The following CRAT variants were observed in gnomAD, a reference collection of about 807,000 sequenced individuals.
The protein encoded by CRAT is carnitine acetylase.
CRAT carries 66 observed loss-of-function variants against 73.7 expected under a neutral mutation model. The observed-to-expected ratio is 0.90, with a 90% confidence interval of 0.73 to 1.10. CRAT has a LOEUF of 1.10. Among genes scored for constraint, CRAT ranks in the 50% least tolerant of loss-of-function variants. The probability of loss-of-function intolerance (pLI) is 0.00; values close to 1 mark genes in which losing one functional copy is unlikely to be tolerated. For synonymous variants in CRAT, 321 were observed against 343.2 expected (o/e 0.94, Z 0.71); for missense variants, 745 against 846.9 (o/e 0.88, Z 1.49).
At chr9:129,109,304 C>A in intron 1 of CRAT, 1 of 1,300,790 alleles carries the variant, frequency 7.7e-7, no homozygotes. Context: ...TGCAAGGGAG[C>A]AGACACCAGG....
rs775707790 is a variant in CRAT, at chr9:129,098,246, C to T, written c.1328+3G>A. On this transcript the variant is annotated splice_donor_region_variant and intron_variant, in intron 10 of 13. Coordinates refer to ENST00000318080, the MANE Select transcript of CRAT (RefSeq NM_000755.5). ...CCTCCATGGGTGGGCCACAGAGGCG[C>T]ACCTGTAGTAGGCCAGCTGCAAAGC... 3.1e-6 allele frequency: 5 copies of T among 1,613,758 alleles called. No individual in the cohort carries two copies. The highest frequency in any genetic ancestry group is 4.2e-6 in the Non-Finnish European group (5 of 1,179,946).
chr9:129,098,806 TTTC>T (rs1847463602), intron 8 of CRAT, among the ~76,000 whole-genome samples, 156 bp from the exon 9 acceptor site: 1 of 79,188 alleles, frequency 1.3e-5, no homozygotes, highest in Non-Finnish European at 2.3e-5. Flanking sequence ...TCAGCTTTTT[TTTC>T]TTTTTTCTTT....
chr9:129,096,347 G>A (rs781483412), intron 12 of CRAT, among the ~76,000 whole-genome samples: 1 of 152,270 alleles, frequency 6.6e-6, no homozygotes, highest in African/African-American at 2.4e-5. Context: ...GCAGGAAAGT[G>A]CAGGGTTGTA....
chr9:129,107,916 C>T lies in CRAT; in HGVS notation c.189G>A (p.Trp63Ter). Residue 63 changes from tryptophan to a stop codon, truncating the protein, a stop_gained, in exon 2 of 14, where the codon TGG (tryptophan) becomes TGA (stop). Coordinates refer to ENST00000318080, the MANE Select transcript of CRAT (RefSeq NM_000755.5). LOFTEE classifies it high-confidence loss of function. This position sits in a 1 kb window ranked among gnomAD's most constrained non-coding sequence, Gnocchi z 5.0. ...ALQPIVSEEEWAHTKQLVDEF... is the reference protein window; with the variant it reads ...ALQPIVSEEE ...CATCCACCAGCTGCTTGGTGTGGGCCCACTCCTCCTCACTCACGATGGGCT... is the reference window on the plus strand; with the variant it reads ...CATCCACCAGCTGCTTGGTGTGGGCTCACTCCTCCTCACTCACGATGGGCT... 6.2e-7 allele frequency: 1 copy of T among 1,610,838 alleles called. No homozygotes were observed. The highest frequency in any genetic ancestry group is 8.5e-7 in the Non-Finnish European group (1 of 1,179,906).
chr9:129,108,842 A>G, intron 1 of CRAT: 3 of 1,304,124 alleles, frequency 2.3e-6, no homozygotes, highest in Non-Finnish European at 3.0e-6. Flanking sequence ...CTGGATCTCT[A>G]AGCCTAACTG....
Position 129,099,928 on chromosome 9 carries a change from G to A in CRAT, c.1023C>T (p.Tyr341=), listed in dbSNP as rs376776814. 3.2e-5 allele frequency: 51 copies of A among 1,612,566 alleles called. No homozygotes were observed. In the African/African-American group the frequency reaches 4.8e-4, roughly 15 times the overall value. Reference sequence around the variant, plus strand: ...GGGGCCCCTCCGCTGCAGCATGCTCGTACACAAGCCCACAGGAGCCATCTT... The same window carrying A: ...GGGGCCCCTCCGCTGCAGCATGCTCATACACAAGCCCACAGGAGCCATCTT... ...VAEDGSCGLV[Y]EHAAAEGPPI... is the part of the protein sequence containing the mutation. The change falls in exon 8 of 14, where the codon TAC becomes TAT. Residue 341 remains tyrosine (Y), a synonymous_variant. Transcript: ENST00000318080.
chr9:129,096,911 T>C (rs770419656), intron 12 of CRAT, among the ~76,000 whole-genome samples: 4 of 151,628 alleles, frequency 2.6e-5, no homozygotes, highest in Non-Finnish European at 5.9e-5. Flanking sequence ...CTACTAAAAA[T>C]GGAAAAATTA....
Position 129,098,363 on chromosome 9 carries a change from T to C in CRAT, c.1214A>G (p.Gln405Arg). Residue 405 changes from glutamine (Q) to arginine (R), a missense_variant, in exon 10 of 14, where the codon CAG becomes CGG. Gln to Arg is a conservative substitution (Grantham distance 43). Transcript: ENST00000318080. ...KAKQNLSIMI[Q>R]DLDITVMVFH... is the part of the protein sequence containing the mutation. ...CACCATCACGGTGATATCCAGGTCC[T>C]GGATCATGCTGGGGGTGTGGGAAGA... 6.2e-7 allele frequency: 1 copy of C among 1,613,804 alleles called. No homozygotes were observed. Among genetic ancestry groups the C allele is most frequent in the Non-Finnish European group, 8.5e-7 (1 of 1,180,002 alleles).
chr9:129,095,408 C>G lies in CRAT; in HGVS notation c.1870G>C (p.Ala624Pro), dbSNP rs17459086. 30,123 of 1,610,904 alleles carry G rather than the reference C, an allele frequency of 0.019. 1,181 individuals are homozygous for G. Among genetic ancestry groups the G allele is most frequent in the Admixed American group, 0.15 (9,084 of 59,996 alleles). ...TGAGTCCTAGGGGCTCAGAGCTTGG[C>G]CCGGGGGTGGCTCTGCAGCAGGGCA... ...MRALLQSHPR[A>P]KL Residue 624 changes from alanine (A) to proline (P), a missense_variant, in exon 14 of 14, where the codon GCC becomes CCC. Transcript: ENST00000318080.
rs111839200 is a variant in CRAT, at chr9:129,107,729, C to T, written c.291+85G>A. The T allele has an allele frequency of 1.7e-4, 275 of 1,599,048 alleles. 1 individual carries two copies. The African/African-American group carries it at 2.5e-3, about 15-fold the overall frequency. The stretch of plus-strand genomic sequence containing the variant: ...TGCTCACGAAACTCTGGGCAGCAAA[C>T]GAACGGCCGTGCCAGAGCAGTGGGC... On this transcript the variant is annotated intron_variant, in intron 2 of 13. Coordinates refer to ENST00000318080, the MANE Select transcript of CRAT (RefSeq NM_000755.5). This position sits in a 1 kb window ranked among gnomAD's most constrained non-coding sequence, Gnocchi z 5.0.
chr9:129,098,014 G>C lies in CRAT; in HGVS notation c.1463C>G (p.Thr488Arg), dbSNP rs745764606. ...CCACCCTCGCCCCAGACCTCTCACC[G>C]TGACGCTGGAGTCATCCATGGCCTT... Reference protein sequence around the residue: ...FVKAMDDSSVTEHQKVELLRK... With the variant: ...FVKAMDDSSVREHQKVELLRK... The change falls in exon 11 of 14, where the codon ACG becomes AGG. Residue 488 changes from threonine to arginine, a missense_variant and splice_region_variant. Transcript: ENST00000318080. 1 of 1,613,268 alleles carries C rather than the reference G, an allele frequency of 6.2e-7. No homozygotes were observed. The highest frequency in any genetic ancestry group is 8.5e-7 in the Non-Finnish European group (1 of 1,179,834).
chr9:129,110,788 GGGGACGGGGCATCGAT>G, exon 1 of CRAT: 1 of 541,506 alleles, frequency 1.8e-6, no homozygotes, highest in Non-Finnish European at 3.1e-6. This position sits in a 1 kb window ranked among gnomAD's most constrained non-coding sequence, Gnocchi z 5.3. Context: ...GCTGTGGGGC[GGGGACGGGGCATCGAT>G]GGGGCGGAGT....
intron 4 of CRAT, 29 bp downstream of exon 4, chr9:129,102,984 T>C (rs1410014): frequency 6.2e-7 from 1 of 1,601,952 alleles, no homozygotes; most frequent in African/African-American, 1.3e-5. Context: ...TGGGCAGGTG[T>C]GGGGCTGGGC....
chr9:129,102,283 T>C (rs1162155460), intron 5 of CRAT, 117 bp downstream of exon 5: 4 of 1,441,932 alleles, frequency 2.8e-6, no homozygotes, highest in Non-Finnish European at 3.8e-6. Context: ...GGGCGCCCAT[T>C]CCTGGGGCAC....
chr9:129,102,375 G>C, intron 5 of CRAT, 25 bp downstream of exon 5: 2 of 1,613,774 alleles, frequency 1.2e-6, no homozygotes, highest in Non-Finnish European at 1.7e-6. Context: ...GCCGGGGCTT[G>C]TAGGTGTGGG....
At chr9:129,100,012 G>A (rs867093199) in intron 7 of CRAT, 46 bp from the exon 8 acceptor site, 2 of 1,520,490 alleles carry the variant, frequency 1.3e-6, no homozygotes, top group African/African-American at 1.4e-5. Context: ...GGCCCTGGGG[G>A]GTGGCCCCTC....
In CRAT at chr9:129,103,609, C is replaced by A. The variant is rs1449408501; in HGVS notation, c.411-543G>T. 6.6e-6 allele frequency among the ~76,000 whole-genome samples: 1 copy of A among 152,148 alleles called. No homozygotes were observed. The highest frequency in any genetic ancestry group is 2.4e-5 in the African/African-American group (1 of 41,444). On this transcript the variant is annotated intron_variant, in intron 3 of 13. Transcript: ENST00000318080. The surrounding 1 kb of genome is among the most constrained non-coding windows in gnomAD (Gnocchi z 4.6). ...GGCAACCACCCTCAATGCTTGGGGC[C>A]GCCCCTGGATCCCACCATGGGGACC...
intron 10 of CRAT, 22 bp downstream of exon 10, chr9:129,098,227 T>C (rs770946185): frequency 1.2e-6 from 2 of 1,613,304 alleles, no homozygotes; most frequent in Non-Finnish European, 1.7e-6. Flanking sequence ...CCCTCCTCCA[T>C]GGGTGGGCCA....
intron 1 of CRAT, chr9:129,109,323 AT>A: frequency 7.8e-7 from 1 of 1,279,096 alleles, no homozygotes; most frequent in Non-Finnish European, 1.0e-6. Flanking sequence ...GGAAAAGGCC[AT>A]CAGTGGATGG....
Sources: allele counts gnomAD v4.1 joint callset (sites outside exome capture counted in the v4.1 genomes callset), GRCh38; gene constraint gnomAD v4.1.1; non-coding constraint Gnocchi (gnomAD v3.1); transcripts MANE v1.5; gene names NCBI Gene and HGNC (gene_info 2026-07-23, HGNC 2026-07-21).